The following C12orf75 variants were observed in gnomAD, a reference collection of about 807,000 sequenced individuals.
C12orf75 encodes the protein overexpressed in colon carcinoma 1 protein.
A neutral mutation model predicts 11.4 loss-of-function variants in C12orf75; 4 were observed. That is an observed-to-expected ratio of 0.35 (90% CI 0.17 to 0.80). The LOEUF is 0.80. Ranked by LOEUF, C12orf75 falls within the 30% of genes least tolerant of loss-of-function variation. The probability of loss-of-function intolerance (pLI) is 0.52; values close to 1 mark genes in which losing one functional copy is unlikely to be tolerated. For missense variants in C12orf75, 89 were observed against 80.4 expected (o/e 1.11, Z -0.41); for synonymous variants, 30 against 30.0 (o/e 1.00, Z 0.00).
rs1317997264 is a variant in C12orf75, at chr12:105,371,253, A to G, written c.*653A>G. The stretch of plus-strand genomic sequence containing the variant: ...AAAAATAAACTCAAATTTGCATGCC[A>G]TATGCACATTTTGATTACATTTTTA... On this transcript the variant is annotated 3_prime_UTR_variant, in exon 6 of 6. Transcript: ENST00000443585. 1 of 152,496 alleles carries G rather than the reference A, an allele frequency of 6.6e-6. No individual in the cohort carries two copies. The highest frequency in any genetic ancestry group is 1.5e-5 in the Non-Finnish European group (1 of 68,220). The allele number at this position is 152,496 out of a possible 1,614,324, so 9.4% of individuals were successfully genotyped here. A position where few individuals can be genotyped will look rare whatever the true frequency, so the allele number is the denominator to read the frequency against.
chr12:105,336,474 T>C (rs1314128243), intron 1 of C12orf75, among the ~76,000 whole-genome samples: 1 of 152,226 alleles, frequency 6.6e-6, no homozygotes. Context: ...GTGACTCGTA[T>C]ATTGTAAGTA....
intron 1 of C12orf75, among the ~76,000 whole-genome samples, chr12:105,347,664 A>G (rs745594383): frequency 1.3e-5 from 2 of 152,250 alleles, no homozygotes; most frequent in Non-Finnish European, 2.9e-5. Flanking sequence ...TGCCTCTCCC[A>G]GTCCACTGAC....
chr12:105,370,780 G>A lies in C12orf75; in HGVS notation c.*180G>A. ...CATAAAACCCTGGGTACATATTGTT[G>A]TGGTAATAGAAGGGAATTGGTTAAA... On this transcript the variant is annotated 3_prime_UTR_variant, in exon 6 of 6. Transcript: ENST00000443585. 2.2e-6 allele frequency: 1 copy of A among 454,524 alleles called. No homozygotes were observed. 28.2% of individuals were successfully genotyped at this position (454,524 alleles called of 1,614,324 possible).
chr12:105,351,071 T>C (rs2136146066), intron 2 of C12orf75, among the ~76,000 whole-genome samples: 1 of 152,318 alleles, frequency 6.6e-6, no homozygotes, highest in East Asian at 1.9e-4. Context: ...CATTATAATA[T>C]TACTTTTCCT....
chr12:105,366,066 C>T, intron 3 of C12orf75: 1 of 547,114 alleles, frequency 1.8e-6, no homozygotes, highest in Non-Finnish European at 3.3e-6. Context: ...GTGGCGTGTG[C>T]TAATTTTCAT....
chr12:105,368,019 G>C (rs1282687416), intron 5 of C12orf75, among the ~76,000 whole-genome samples: 1 of 152,172 alleles, frequency 6.6e-6, no homozygotes, highest in Admixed American at 6.5e-5. Flanking sequence ...ATGTAGTTAT[G>C]CAGGAAGGAA....
At chr12:105,365,122 C>T (rs536239564) in intron 2 of C12orf75, among the ~76,000 whole-genome samples, 2 of 152,240 alleles carry the variant, frequency 1.3e-5, no homozygotes, top group South Asian at 4.1e-4. Flanking sequence ...CAGGCATGAG[C>T]CACCATGTCC....
In C12orf75 at chr12:105,367,491, A is replaced by G. The variant is rs1871507863; in HGVS notation, c.*15A>G. 1 of 836,826 alleles carries G rather than the reference A, an allele frequency of 1.2e-6. No individual in the cohort carries two copies. The highest frequency in any genetic ancestry group is 1.7e-5 in the African/African-American group (1 of 58,880). 51.8% of individuals were successfully genotyped at this position (836,826 alleles called of 1,614,324 possible). Reference sequence around the variant, plus strand: ...TTTAAGATTAGAAGAAAATAACATCATGACTCAAGAATCAAGAGGTGCTGT... The same window carrying G: ...TTTAAGATTAGAAGAAAATAACATCGTGACTCAAGAATCAAGAGGTGCTGT... On this transcript the variant is annotated 3_prime_UTR_variant, in exon 5 of 6. Transcript: ENST00000443585.
chr12:105,351,692 C>CATGGG (rs2136146285), intron 2 of C12orf75, among the ~76,000 whole-genome samples: 1 of 152,130 alleles, frequency 6.6e-6, no homozygotes, highest in African/African-American at 2.4e-5. Context: ...TGAAAAAAGG[C>CATGGG]ATGGGAGTGC....
chr12:105,348,017 T>C (rs1892659619), intron 1 of C12orf75, among the ~76,000 whole-genome samples: 1 of 152,214 alleles, frequency 6.6e-6, no homozygotes, highest in Non-Finnish European at 1.5e-5. Context: ...ATCTGTAAAA[T>C]CTTTTTCAGA....
Position 105,371,124 on chromosome 12 carries a change from T to G in C12orf75, c.*524T>G, listed in dbSNP as rs1297276182. On this transcript the variant is annotated 3_prime_UTR_variant, in exon 6 of 6. Coordinates refer to ENST00000443585, the MANE Select transcript of C12orf75 (RefSeq NM_001145199.2). ...TTAGCTGTAAAATTGGTAAATGGATTCTTACAACTATCTCTTTCCATTTCT... is the reference window on the plus strand; with the variant it reads ...TTAGCTGTAAAATTGGTAAATGGATGCTTACAACTATCTCTTTCCATTTCT... The G allele has an allele frequency of 6.5e-6, 1 of 154,692 alleles. No homozygotes were observed. Among genetic ancestry groups the G allele is most frequent in the Non-Finnish European group, 1.4e-5 (1 of 69,442 alleles). The allele number at this position is 154,692 out of a possible 1,614,324, so 9.6% of individuals were successfully genotyped here. A position where few individuals can be genotyped will look rare whatever the true frequency, so the allele number is the denominator to read the frequency against.
At chr12:105,360,118 T>C (rs1159579773) in intron 2 of C12orf75, among the ~76,000 whole-genome samples, 1 of 152,262 alleles carries the variant, frequency 6.6e-6, no homozygotes, top group East Asian at 1.9e-4. Flanking sequence ...CTGCAGAAAC[T>C]AGGGCCTTGC....
chr12:105,350,691 A>G (rs1892702461), intron 2 of C12orf75, among the ~76,000 whole-genome samples: 2 of 152,086 alleles, frequency 1.3e-5, no homozygotes, highest in Non-Finnish European at 2.9e-5. Flanking sequence ...TTGAGGATTG[A>G]GAGTGGGGCA....
intron 1 of C12orf75, among the ~76,000 whole-genome samples, chr12:105,332,723 C>T (rs1892448306): frequency 7.4e-6 from 1 of 134,650 alleles, no homozygotes; most frequent in Admixed American, 7.9e-5. Context: ...AAGAGTGGAA[C>T]TCCGCTCCAT....
intron 1 of C12orf75, among the ~76,000 whole-genome samples, chr12:105,338,240 T>G (rs952337797): frequency 6.6e-6 from 1 of 152,198 alleles, no homozygotes; most frequent in African/African-American, 2.4e-5. Flanking sequence ...AGTGGCATGA[T>G]CTCGGCTCAG....
chr12:105,332,348 G>A (rs1271681614), intron 1 of C12orf75, among the ~76,000 whole-genome samples: 1 of 152,166 alleles, frequency 6.6e-6, no homozygotes. Flanking sequence ...CTTAAAATGA[G>A]GCTAGTTTCA....
intron 1 of C12orf75, among the ~76,000 whole-genome samples, chr12:105,337,498 A>G (rs1408996573): frequency 6.6e-6 from 1 of 152,084 alleles, no homozygotes; most frequent in Non-Finnish European, 1.5e-5. Context: ...GGGAATTGGA[A>G]CAATTGATTG....
intron 2 of C12orf75, among the ~76,000 whole-genome samples, chr12:105,365,405 C>G (rs1018898339): frequency 6.6e-5 from 10 of 152,132 alleles, no homozygotes; most frequent in African/African-American, 2.4e-4. Context: ...TCTGGTCAAC[C>G]AGCTTATTTT....
chr12:105,365,097 A>C (rs1301004008), intron 2 of C12orf75, among the ~76,000 whole-genome samples: 3 of 152,102 alleles, frequency 2.0e-5, no homozygotes, highest in African/African-American at 7.2e-5. Flanking sequence ...TCGGCCTCCC[A>C]AAGTGCTGGT....
Sources: allele counts gnomAD v4.1 joint callset (sites outside exome capture counted in the v4.1 genomes callset), GRCh38; gene constraint gnomAD v4.1.1; transcripts MANE v1.5; gene names NCBI Gene and HGNC (gene_info 2026-07-23, HGNC 2026-07-21).